Variants in DLG5 observed in about 807,000 individuals in gnomAD.
The protein encoded by DLG5 is discs large MAGUK scaffold protein 5.
DLG5 carries 48 observed loss-of-function variants against 189.8 expected under a neutral mutation model. The observed-to-expected ratio is 0.25, with a 90% CI of 0.20 to 0.32. The LOEUF (loss-of-function observed/expected upper bound fraction) is 0.32. Among genes scored for constraint, DLG5 ranks in the 10% least tolerant of loss-of-function variants. The probability of loss-of-function intolerance (pLI) is 1.00; values close to 1 mark genes in which losing one functional copy is unlikely to be tolerated. For missense variants in DLG5, 2,160 were observed against 2,544.7 expected, an observed-to-expected ratio of 0.85 and a Z score of 3.25; for synonymous variants, 1,016 against 1,054.1, an observed-to-expected ratio of 0.96 and a Z score of 0.70.
rs75308538 is a variant in DLG5 at position 77,837,993 on chromosome 10, C to T, written c.1438-2071G>A. Among the ~76,000 whole-genome samples the T allele has an allele frequency of 7.9e-3, 1,205 of 152,278 alleles. 19 individuals are homozygous for T. The highest frequency in any genetic ancestry group is 0.027 in the African/African-American group (1,128 of 41,550). On this transcript the variant is annotated intron_variant, in intron 7 of 31. Coordinates refer to ENST00000372391, the MANE Select transcript of DLG5 (RefSeq NM_004747.4). Reference sequence around the variant, plus strand: ...GATGGGGCCCGAGTGTGGAGTGGTGCCCCTGAGCAGATGGCTCTCGGGTGA... The same window carrying T: ...GATGGGGCCCGAGTGTGGAGTGGTGTCCCTGAGCAGATGGCTCTCGGGTGA...
At chr10:77,806,118 T>C in intron 26 of DLG5, 1 of 454,210 alleles carries the variant, frequency 2.2e-6, no homozygotes, top group Non-Finnish European at 3.9e-6. Context: ...CAGCTCGGTG[T>C]CAAAAGGAAC....
chr10:77,866,966 A>G (rs1844706423), intron 2 of DLG5: 1 of 457,128 alleles, frequency 2.2e-6, no homozygotes, highest in African/African-American at 2.0e-5. Context: ...TTATTTCAGC[A>G]TTAAATATCC....
At position 77,843,432 on chromosome 10, in the gene DLG5, T is replaced by G. The variant is rs1441252742; in HGVS notation, c.1124+15A>C. 3 of 1,611,332 alleles carry G rather than the reference T, an allele frequency of 1.9e-6. No homozygotes were observed. Among genetic ancestry groups the G allele is most frequent in the Non-Finnish European group, 2.5e-6 (3 of 1,179,048 alleles). On this transcript the variant is annotated intron_variant, in intron 6 of 31. Transcript: ENST00000372391. ...GGACCCATTTGCCCCCGGCCCCCGATGGCCCTAGCCCTACCTCCTCAGGGA... is the reference window on the plus strand; with the variant it reads ...GGACCCATTTGCCCCCGGCCCCCGAGGGCCCTAGCCCTACCTCCTCAGGGA...
At chr10:77,807,519 G>A (rs1490312642) in intron 25 of DLG5, among the ~76,000 whole-genome samples, 2 of 152,174 alleles carry the variant, frequency 1.3e-5, no homozygotes, top group African/African-American at 4.8e-5. Flanking sequence ...AAAAAGAGGA[G>A]CACAGCACAC....
In DLG5 at chr10:77,872,340, C is replaced by T. The variant is rs146541946; in HGVS notation, c.305-3143G>A. On this transcript the variant is annotated intron_variant, in intron 1 of 31. Coordinates refer to ENST00000372391, the MANE Select transcript of DLG5 (RefSeq NM_004747.4). Reference sequence around the variant, plus strand: ...CTTGGCAGATGCCCTTCCCTCTCTCCGCCCACCTACCTCCCTGGCTGGGGG... The same window carrying T: ...CTTGGCAGATGCCCTTCCCTCTCTCTGCCCACCTACCTCCCTGGCTGGGGG... Among the ~76,000 whole-genome samples, 355 of 152,344 alleles carry T rather than the reference C, an allele frequency of 2.3e-3. 2 individuals are homozygous for T. Among genetic ancestry groups the T allele is most frequent in the South Asian group, 0.023 (110 of 4,828 alleles).
rs1186082543 is a variant in DLG5, at chr10:77,926,494, G to T, written c.27C>A (p.Leu9=). ...GGGCCAGGCTCTGCTGACACTGGGC[G>T]AGCAGCTCCCGGCGCTGGGGCTCCA... MEPQRREL[L]AQCQQSLAQA... Residue 9 remains leucine (L), a synonymous_variant, in exon 1 of 32, where the codon CTC becomes CTA. Coordinates refer to ENST00000372391, the MANE Select transcript of DLG5 (RefSeq NM_004747.4). This position sits in a 1 kb window ranked among gnomAD's most constrained non-coding sequence, Gnocchi z 5.2. 4 of 1,411,854 alleles carry T rather than the reference G, an allele frequency of 2.8e-6. No homozygotes were observed. In the East Asian group the frequency reaches 1.2e-4, roughly 43 times the overall value. The allele number at this position is 1,411,854 out of a possible 1,614,324, so 87.5% of individuals were successfully genotyped here.
At chr10:77,910,650 G>A (rs1846190927) in intron 1 of DLG5, among the ~76,000 whole-genome samples, 1 of 152,146 alleles carries the variant, frequency 6.6e-6, no homozygotes, top group Admixed American at 6.5e-5. Flanking sequence ...ATCCCTTCCA[G>A]CCATGGCATT....
rs376079907 is a variant in DLG5, at chr10:77,811,924, C to G, written c.4322G>C (p.Ser1441Thr). ...ACGGCCCTGGGAGGCCCGCACTCACCTGGACCGGGAGTGGCTGCTGAGCTG... is the reference window on the plus strand; with the variant it reads ...ACGGCCCTGGGAGGCCCGCACTCACGTGGACCGGGAGTGGCTGCTGAGCTG... ...VHQLSSHSRS[S>T]SHLDPAGTHS... The change falls in exon 22 of 32, where the codon AGC becomes ACC. Residue 1441 changes from serine to threonine, a missense_variant and splice_region_variant. Physicochemically the swap from Ser to Thr is moderately conservative, Grantham distance 58. Coordinates refer to ENST00000372391, the MANE Select transcript of DLG5 (RefSeq NM_004747.4). The G allele has an allele frequency of 5.6e-6, 9 of 1,604,804 alleles. No individual in the cohort carries two copies. The highest frequency in any genetic ancestry group is 5.9e-6 in the Non-Finnish European group (7 of 1,179,768).
chr10:77,819,560 A>G, intron 16 of DLG5, 95 bp from the exon 17 acceptor site: 1 of 1,462,836 alleles, frequency 6.8e-7, no homozygotes, highest in Non-Finnish European at 9.1e-7. Flanking sequence ...ACGCAGCCGC[A>G]GTCTTTTGGG....
chr10:77,884,582 T>C (rs1296616789), intron 1 of DLG5, among the ~76,000 whole-genome samples: 1 of 152,146 alleles, frequency 6.6e-6, no homozygotes, highest in African/African-American at 2.4e-5. Context: ...TAATTACTGA[T>C]TGGAATTAAA....
At position 77,829,679 on chromosome 10, in the gene DLG5, G is replaced by A. The variant is rs144040311; in HGVS notation, c.2010-149C>T. On this transcript the variant is annotated intron_variant, in intron 11 of 31. Coordinates refer to ENST00000372391, the MANE Select transcript of DLG5 (RefSeq NM_004747.4). ...TCTCCTCTTGCAGGAGTGCACAGTGGTGAAATTTGCAAATGCTGAGGTTAG... is the reference window on the plus strand; with the variant it reads ...TCTCCTCTTGCAGGAGTGCACAGTGATGAAATTTGCAAATGCTGAGGTTAG... 1.1e-4 allele frequency: 112 copies of A among 994,088 alleles called. No individual in the cohort carries two copies. The African/African-American group carries it at 1.6e-3, about 15-fold the overall frequency. 61.6% of individuals were successfully genotyped at this position (994,088 alleles called of 1,614,324 possible). A position where few individuals can be genotyped will look rare whatever the true frequency, so the allele number is the denominator to read the frequency against.
chr10:77,797,970 T>A (rs1371972121), intron 27 of DLG5, among the ~76,000 whole-genome samples: 2 of 152,126 alleles, frequency 1.3e-5, no homozygotes, highest in Non-Finnish European at 2.9e-5. Flanking sequence ...GTGGATCGCT[T>A]GAGGTCAAGA....
Position 77,926,589 on chromosome 10 carries a change from G to A in DLG5, c.-69C>T. 1 of 1,158,526 alleles carries A rather than the reference G, an allele frequency of 8.6e-7. No individual in the cohort carries two copies. Among genetic ancestry groups the A allele is most frequent in the South Asian group, 4.2e-5 (1 of 23,540 alleles). The allele number at this position is 1,158,526 out of a possible 1,614,324, so 71.8% of individuals were successfully genotyped here. A position where few individuals can be genotyped will look rare whatever the true frequency, so the allele number is the denominator to read the frequency against. On this transcript the variant is annotated 5_prime_UTR_variant, in exon 1 of 32. Transcript: ENST00000372391. This position sits in a 1 kb window ranked among gnomAD's most constrained non-coding sequence, Gnocchi z 5.2. ...CCCCCCGAGGCCGGCGGGCGGGCAG[G>A]CGAGCACCTCGGCAGCAGCCCTAGG... is the stretch of plus-strand genomic sequence containing the variant.
chr10:77,834,437 A>G (rs1843025327), intron 8 of DLG5, among the ~76,000 whole-genome samples: 4 of 152,226 alleles, frequency 2.6e-5, no homozygotes, highest in South Asian at 4.1e-4. Context: ...CCTGTGCTCC[A>G]GCACTACCAC....
Position 77,794,851 on chromosome 10 carries a change from G to A in DLG5, c.5544C>T (p.Ile1848=). 2.5e-6 allele frequency: 4 copies of A among 1,613,824 alleles called. No homozygotes were observed. The highest frequency in any genetic ancestry group is 2.5e-6 in the Non-Finnish European group (3 of 1,179,812). Residue 1848 remains isoleucine, a splice_region_variant and synonymous_variant, in exon 30 of 32, where the codon ATC becomes ATT. Transcript: ENST00000372391. ...AGCCCAGGGGGCCAGTTACCTACTT[G>A]ATGTGCTTGGCGCTCTTGTAGTGGA... The part of the protein sequence containing the change: ...IFIHYKSAKH[I]KEQRDPIYLR...
chr10:77,879,741 G>T (rs1845217344), intron 1 of DLG5, among the ~76,000 whole-genome samples: 1 of 151,602 alleles, frequency 6.6e-6, no homozygotes, highest in African/African-American at 2.4e-5. Flanking sequence ...TGACTCCAGG[G>T]TTCTTGGCCT....
chr10:77,843,498 T>A lies in DLG5; in HGVS notation c.1073A>T (p.Gln358Leu). ...CTGCAGCTGGATGGCCGTGTCCCTC[T>A]GCTGGGTCAGCATCTCTGTCTGCTT... ...LLKQTEMLTQ[Q>L]RDTAIQLQHQ... is the part of the protein sequence containing the mutation. Residue 358 changes from glutamine (Q) to leucine (L), a missense_variant, in exon 6 of 32, where the codon CAG becomes CTG. Physicochemically the swap from Gln to Leu is moderately radical, Grantham distance 113. Around this residue, in one of 5 missense-constraint regions of DLG5, gnomAD observed 664 missense variants for 838.5 expected, o/e 0.79. Transcript: ENST00000372391. The A allele has an allele frequency of 1.9e-6, 3 of 1,614,188 alleles. No individual in the cohort carries two copies. Among genetic ancestry groups the A allele is most frequent in the Non-Finnish European group, 2.5e-6 (3 of 1,180,052 alleles).
chr10:77,824,068 T>A (rs990336038), intron 14 of DLG5, among the ~76,000 whole-genome samples: 1 of 152,060 alleles, frequency 6.6e-6, no homozygotes, highest in African/African-American at 2.4e-5. Context: ...AGCTTGTACC[T>A]CCCCCAAATA....
upstream of DLG5, chr10:77,927,022 G>A: frequency 3.1e-6 from 1 of 324,330 alleles, no homozygotes; most frequent in Non-Finnish European, 6.4e-6. Flanking sequence ...AGGCCGCCTC[G>A]GCCCCCGTGC....
Sources: gnomAD v4.1 joint callset for allele counts (sites outside exome capture counted in the v4.1 genomes callset) on GRCh38, gnomAD v4.1.1 for gene constraint, gnomAD v4.1.1 regional missense constraint, Gnocchi (gnomAD v3.1) non-coding constraint, MANE v1.5 for transcripts, NCBI Gene and HGNC (gene_info 2026-07-23, HGNC 2026-07-21) for gene names.